TMEM117: variants seen among roughly 807,000 people sequenced by gnomAD.
TMEM117 encodes transmembrane protein 117.
In TMEM117, 27 loss-of-function variants were observed where a neutral mutation model predicts 52.4. The observed-to-expected ratio is 0.51, with a 90% CI of 0.38 to 0.71. The LOEUF (loss-of-function observed/expected upper bound fraction) is 0.71. Among genes scored for constraint, TMEM117 ranks in the 30% least tolerant of loss-of-function variants. The pLI is 0.00. For synonymous variants in TMEM117, 215 were observed against 206.3 expected, an observed-to-expected ratio of 1.04 and a Z score of -0.36; for missense variants, 556 against 630.5, an observed-to-expected ratio of 0.88 and a Z score of 1.26.
chr12:43,816,557 A>T, the TMEM117 span, among the ~76,000 whole-genome samples: 1 of 152,212 alleles, frequency 6.6e-6, no homozygotes. Context: ...CCTCCTGTCC[A>T]CTACCCAGTC....
rs1948471682 is a variant in TMEM117, at chr12:44,135,174, G to A, written c.411-8351G>A. Among the ~76,000 whole-genome samples the A allele has an allele frequency of 2.6e-5, 4 of 152,070 alleles. No homozygotes were observed. In the South Asian group the frequency reaches 8.3e-4, roughly 32 times the overall value. ...TCCTTCTTTCTCTCTTTTTGTATTG[G>A]TTCTAAATTACCAGAAAAGGAAACA... On this transcript the variant is annotated intron_variant, in intron 3 of 7. Transcript: ENST00000266534.
At chr12:43,927,062 C>T (rs58915539) in intron 2 of TMEM117, among the ~76,000 whole-genome samples, 15,516 of 151,958 alleles carry the variant, frequency 0.1, 970 homozygotes, top group Middle Eastern at 0.22. Flanking sequence ...GACTAAGTTT[C>T]CTATTTTCAA....
At chr12:44,229,566 A>G (rs1181898727) in intron 5 of TMEM117, among the ~76,000 whole-genome samples, 5 of 152,120 alleles carry the variant, frequency 3.3e-5, no homozygotes, top group Non-Finnish European at 7.4e-5. Flanking sequence ...ATTTTGGAAC[A>G]ATTCACTTCT....
At chr12:43,985,643 T>G (rs1855130396) in intron 3 of TMEM117, among the ~76,000 whole-genome samples, 1 of 152,226 alleles carries the variant, frequency 6.6e-6, no homozygotes, top group African/African-American at 2.4e-5. Context: ...GCAGCATCAC[T>G]CAGCTTATAA....
intron 3 of TMEM117, among the ~76,000 whole-genome samples, chr12:44,005,988 C>A (rs1249315163): frequency 2.6e-5 from 4 of 152,138 alleles, no homozygotes; most frequent in African/African-American, 9.7e-5. Flanking sequence ...AGTCAATAAA[C>A]CTTTTTTTCC....
intron 7 of TMEM117, among the ~76,000 whole-genome samples, chr12:44,384,582 T>A (rs1952063346): frequency 6.6e-6 from 1 of 152,210 alleles, no homozygotes; most frequent in African/African-American, 2.4e-5. Flanking sequence ...ATGTTAAATA[T>A]GCTGATTTAG....
intron 5 of TMEM117, among the ~76,000 whole-genome samples, chr12:44,284,990 T>C (rs1466639361): frequency 6.6e-6 from 1 of 152,232 alleles, no homozygotes; most frequent in Admixed American, 6.5e-5. Flanking sequence ...TAAATACAAT[T>C]ATTTCAATCA....
chr12:44,143,945 C>T (rs947394588), intron 4 of TMEM117, among the ~76,000 whole-genome samples: 3 of 152,056 alleles, frequency 2.0e-5, no homozygotes, highest in Non-Finnish European at 4.4e-5. Context: ...AGAAATTCTC[C>T]CTGTGAAGTT....
At chr12:44,393,243 A>G (rs902394899), downstream of TMEM117, among the ~76,000 whole-genome samples, 1 of 152,114 alleles carries the variant, frequency 6.6e-6, no homozygotes, top group Non-Finnish European at 1.5e-5. Context: ...CAACTGTACT[A>G]TTGGGCTTTT....
intron 2 of TMEM117, among the ~76,000 whole-genome samples, chr12:43,902,674 G>A (rs1944323592): frequency 6.6e-6 from 1 of 152,154 alleles, no homozygotes; most frequent in Non-Finnish European, 1.5e-5. Flanking sequence ...TTAGAAGTAA[G>A]AGGGATACAT....
chr12:44,054,703 T>TA (rs1947026011), intron 3 of TMEM117, among the ~76,000 whole-genome samples: 1 of 151,202 alleles, frequency 6.6e-6, no homozygotes, highest in Non-Finnish European at 1.5e-5. Context: ...ATAGGATTAT[T>TA]TTTTTTTCAA....
At chr12:44,336,712 T>C (rs966468487) in intron 6 of TMEM117, among the ~76,000 whole-genome samples, 1 of 150,690 alleles carries the variant, frequency 6.6e-6, no homozygotes, top group African/African-American at 2.4e-5. Context: ...ACCATAGGGG[T>C]TTTTTTTTGG....
Position 44,300,772 on chromosome 12 carries a change from C to T in TMEM117, c.768+1033C>T, listed in dbSNP as rs762656913. On this transcript the variant is annotated intron_variant, in intron 6 of 7. Coordinates refer to ENST00000266534, the MANE Select transcript of TMEM117 (RefSeq NM_032256.3). ...TTAAAAATTATTTAAAGAGGTAAAACGGAATATTTTTGTTGCATTTGAAAA... is the reference window on the plus strand; with the variant it reads ...TTAAAAATTATTTAAAGAGGTAAAATGGAATATTTTTGTTGCATTTGAAAA... Among the ~76,000 whole-genome samples the T allele has an allele frequency of 2.6e-5, 4 of 151,902 alleles. No individual in the cohort carries two copies. The South Asian group carries it at 6.2e-4, about 24-fold the overall frequency.
At chr12:43,876,746 A>C (rs1257495220) in intron 2 of TMEM117, among the ~76,000 whole-genome samples, 1 of 152,202 alleles carries the variant, frequency 6.6e-6, no homozygotes, top group African/African-American at 2.4e-5. Flanking sequence ...AGTTTCTGAT[A>C]TATAGATACT....
At chr12:44,118,453 A>G (rs941773963) in intron 3 of TMEM117, among the ~76,000 whole-genome samples, 2 of 152,214 alleles carry the variant, frequency 1.3e-5, no homozygotes, top group Admixed American at 6.5e-5. Context: ...GCAAGGGTCA[A>G]CTGCTGAAAA....
chr12:44,146,907 A>G (rs977991026), intron 4 of TMEM117, among the ~76,000 whole-genome samples: 5 of 152,180 alleles, frequency 3.3e-5, no homozygotes, highest in Non-Finnish European at 5.9e-5. Flanking sequence ...ATAGTTTTAA[A>G]AGGCATATCA....
chr12:44,254,590 G>A (rs1315357673), intron 5 of TMEM117, among the ~76,000 whole-genome samples: 1 of 151,866 alleles, frequency 6.6e-6, no homozygotes, highest in Non-Finnish European at 1.5e-5. Flanking sequence ...CCATAAAATA[G>A]TCATACCCTT....
intron 5 of TMEM117, among the ~76,000 whole-genome samples, chr12:44,275,017 C>T (rs943172271): frequency 6.6e-6 from 1 of 151,974 alleles, no homozygotes. Flanking sequence ...GTAAAAATCC[C>T]ACAGAATGGG....
At chr12:44,110,223 G>T (rs1158293308) in intron 3 of TMEM117, among the ~76,000 whole-genome samples, 1 of 148,220 alleles carries the variant, frequency 6.7e-6, no homozygotes, top group Non-Finnish European at 1.5e-5. Flanking sequence ...TGATTGCCCT[G>T]GCCAGAACTT....
Sources: allele counts gnomAD v4.1 joint callset (sites outside exome capture counted in the v4.1 genomes callset), GRCh38; gene constraint gnomAD v4.1.1; transcripts MANE v1.5; gene names NCBI Gene and HGNC (gene_info 2026-07-23, HGNC 2026-07-21).